The following DCAF6 variants were observed in gnomAD, a reference collection of about 807,000 sequenced individuals.
DCAF6 encodes DDB1- and CUL4-associated factor 6.
In DCAF6, 54 loss-of-function variants were observed where a neutral mutation model predicts 125.1. That is an observed-to-expected ratio of 0.43 (90% CI 0.35 to 0.54). The LOEUF (loss-of-function observed/expected upper bound fraction) is 0.54, where lower values mean the gene tolerates loss of function less well. Ranked by LOEUF, DCAF6 falls within the 20% of genes least tolerant of loss-of-function variation. The pLI, the probability that DCAF6 is intolerant of heterozygous loss-of-function variation, is 0.01. For synonymous variants in DCAF6, 371 were observed against 390.4 expected, an observed-to-expected ratio of 0.95 and a Z score of 0.58; for missense variants, 934 against 1,161.7, an observed-to-expected ratio of 0.80 and a Z score of 2.85.
At chr1:167,965,203 A>C (rs1468389059) in intron 2 of DCAF6, among the ~76,000 whole-genome samples, 1 of 152,218 alleles carries the variant, frequency 6.6e-6, no homozygotes, top group East Asian at 1.9e-4. Context: ...CTACAGGCCT[A>C]TGATTAGGTG....
At chr1:167,903,897 T>C in the DCAF6 span, 2 of 1,610,502 alleles carry the variant, frequency 1.2e-6, no homozygotes, top group Non-Finnish European at 1.7e-6. Flanking sequence ...TCTCCACTAT[T>C]GCACTTATGT....
chr1:167,972,096 T>C (rs1677417507), intron 3 of DCAF6, among the ~76,000 whole-genome samples: 1 of 152,336 alleles, frequency 6.6e-6, no homozygotes, highest in East Asian at 1.9e-4. Context: ...CTTCAGGTGA[T>C]CCAGCTGCCT....
At chr1:167,901,741 T>C in the DCAF6 span, 2 of 1,614,202 alleles carry the variant, frequency 1.2e-6, no homozygotes, top group South Asian at 1.1e-5. Flanking sequence ...TACATTTAAT[T>C]ACCACTGTGA....
intron 19 of DCAF6, 87 bp downstream of exon 19, chr1:168,065,833 T>C (rs1471619270): frequency 1.6e-6 from 2 of 1,268,058 alleles, no homozygotes; most frequent in Admixed American, 4.8e-5. Context: ...ATTGTTAATA[T>C]TATAAGAATA....
chr1:168,042,044 C>T (rs763812816), intron 13 of DCAF6, among the ~76,000 whole-genome samples: 1 of 151,690 alleles, frequency 6.6e-6, no homozygotes, highest in Non-Finnish European at 1.5e-5. Flanking sequence ...TATGAATATA[C>T]AGTTTTAGTT....
chr1:167,937,563 G>T (rs945422660), intron 1 of DCAF6, among the ~76,000 whole-genome samples: 2 of 152,024 alleles, frequency 1.3e-5, no homozygotes, highest in Admixed American at 6.6e-5. Context: ...ACCCCCGCGC[G>T]CTCTCCCAGT....
At chr1:167,921,906 G>A in the DCAF6 span, among the ~76,000 whole-genome samples, 1 of 152,028 alleles carries the variant, frequency 6.6e-6, no homozygotes. Flanking sequence ...AGGTACATAG[G>A]TTTTTGTTTT....
At chr1:167,929,184 C>A in the DCAF6 span, among the ~76,000 whole-genome samples, 1 of 151,938 alleles carries the variant, frequency 6.6e-6, no homozygotes, top group Admixed American at 6.6e-5. Flanking sequence ...CATGGAGAAA[C>A]CCCATCTCTA....
chr1:167,884,526 T>C, the DCAF6 span, among the ~76,000 whole-genome samples: 2 of 152,134 alleles, frequency 1.3e-5, no homozygotes, highest in Non-Finnish European at 2.9e-5. Flanking sequence ...GATTAAATTA[T>C]TTTTTACTAT....
intron 14 of DCAF6, among the ~76,000 whole-genome samples, chr1:168,044,376 C>T (rs1309931856): frequency 6.6e-6 from 1 of 152,108 alleles, no homozygotes; most frequent in African/African-American, 2.4e-5. Flanking sequence ...AGCGTAGCAA[C>T]CGCTTACATA....
chr1:167,876,504 G>C, the DCAF6 span, among the ~76,000 whole-genome samples: 1 of 152,078 alleles, frequency 6.6e-6, no homozygotes, highest in Non-Finnish European at 1.5e-5. Flanking sequence ...CTCTCTTATA[G>C]CATATATCAA....
At chr1:167,924,605 G>T in the DCAF6 span, 1 of 1,158,546 alleles carries the variant, frequency 8.6e-7, no homozygotes, top group Non-Finnish European at 1.2e-6. Flanking sequence ...TTTAACAGCT[G>T]TCACCAAATT....
chr1:168,046,864 T>C (rs1689206655), intron 16 of DCAF6, among the ~76,000 whole-genome samples: 1 of 152,132 alleles, frequency 6.6e-6, no homozygotes, highest in Non-Finnish European at 1.5e-5. Flanking sequence ...GTCTTATTTT[T>C]CTACATTTAA....
intron 2 of DCAF6, 30 bp from the exon 3 acceptor site, chr1:167,966,599 G>A (rs1390009028): frequency 7.2e-7 from 1 of 1,382,462 alleles, no homozygotes; most frequent in Non-Finnish European, 1.0e-6. Context: ...TGTCCAATTT[G>A]CTTATATTTC....
chr1:168,045,204 G>A lies in DCAF6; in HGVS notation c.2235G>A (p.Arg745=). ...DDDPVLIPGA[R]YRAGPGDRFN... is the part of the protein sequence containing the mutation. ...ACCCAGTCCTGATCCCAGGTGCAAG[G>A]TATCGAGCAGGACCTGGTGATAGGT... The change falls in exon 16 of 22, where the codon AGG becomes AGA. Residue 745 remains arginine (R), a synonymous_variant. Transcript: ENST00000367840. 2.5e-6 allele frequency: 4 copies of A among 1,612,292 alleles called. No individual in the cohort carries two copies. The highest frequency in any genetic ancestry group is 2.5e-6 in the Non-Finnish European group (3 of 1,179,270).
the DCAF6 span, among the ~76,000 whole-genome samples, chr1:167,910,178 C>G: frequency 6.6e-6 from 1 of 152,154 alleles, no homozygotes; most frequent in South Asian, 2.1e-4. Context: ...GTGGCTCGTC[C>G]TGCTACAATG....
At chr1:168,017,683 T>C (rs1439382285) in intron 11 of DCAF6, among the ~76,000 whole-genome samples, 1 of 152,162 alleles carries the variant, frequency 6.6e-6, no homozygotes, top group Non-Finnish European at 1.5e-5. Context: ...TAAAACTTTA[T>C]CTTATACATA....
Position 167,997,644 on chromosome 1 carries a change from G to GA in DCAF6, c.903+4213dup, listed in dbSNP as rs199784937. On this transcript the variant is annotated intron_variant, in intron 7 of 21. Transcript: ENST00000367840. ...TTATCAAAACCTGTTTAATTTTCAG[G>GA]AAAAAAAAATCAATGAATGCTGTTT... Among the ~76,000 whole-genome samples, 365 of 149,076 alleles carry GA rather than the reference G, an allele frequency of 2.4e-3. 1 individual carries two copies. Among genetic ancestry groups the GA allele is most frequent in the South Asian group, 0.023 (110 of 4,720 alleles).
chr1:167,890,276 G>A, the DCAF6 span, among the ~76,000 whole-genome samples: 2 of 152,244 alleles, frequency 1.3e-5, no homozygotes, highest in Admixed American at 1.3e-4. Context: ...AGCACCGCAA[G>A]TGCAGTAATG....
Sources: gnomAD v4.1 joint callset for allele counts (sites outside exome capture counted in the v4.1 genomes callset) on GRCh38, gnomAD v4.1.1 for gene constraint, MANE v1.5 for transcripts, NCBI Gene and HGNC (gene_info 2026-07-23, HGNC 2026-07-21) for gene names.